The following ATRNL1 variants were observed in gnomAD, a reference collection of about 807,000 sequenced individuals.
ATRNL1 encodes the protein attractin-like protein 1.
A neutral mutation model predicts 182.7 loss-of-function variants in ATRNL1; 95 were observed. The observed-to-expected ratio is 0.52, with a 90% CI of 0.44 to 0.62. The LOEUF (loss-of-function observed/expected upper bound fraction) is 0.62. ATRNL1 is among the 20% of genes least tolerant of loss of function. ATRNL1 has a pLI of 0.00. For missense variants in ATRNL1, 1,471 were observed against 1,679.5 expected, an observed-to-expected ratio of 0.88 and a Z score of 2.17; for synonymous variants, 576 against 568.3, an observed-to-expected ratio of 1.01 and a Z score of -0.19.
intron 26 of ATRNL1, among the ~76,000 whole-genome samples, chr10:115,724,909 T>C (rs78624300): frequency 0.015 from 2,239 of 152,288 alleles, 51 homozygotes; most frequent in African/African-American, 0.05. Context: ...AATGATGTTC[T>C]CTTCCTAAAT....
intron 19 of ATRNL1, among the ~76,000 whole-genome samples, chr10:115,361,802 A>T (rs1210642727): frequency 6.6e-6 from 1 of 152,072 alleles, no homozygotes; most frequent in Non-Finnish European, 1.5e-5. Flanking sequence ...TCTCCAATTT[A>T]TAACTTAAAT....
chr10:115,683,548 G>GTGTTTT (rs1555045360), intron 26 of ATRNL1, among the ~76,000 whole-genome samples: 1 of 110,944 alleles, frequency 9.0e-6, no homozygotes, highest in Non-Finnish European at 1.7e-5. Flanking sequence ...GAGAACTAGC[G>GTGTTTT]TTTTTTTTTT....
At position 115,628,824 on chromosome 10, in the gene ATRNL1, ATTAC is replaced by A. The variant is rs150527233; in HGVS notation, c.3795+79291_3795+79294del. ...GTGCAAAAGTAATTGCGGTTTTGGT[ATTAC>A]TTTTATGGCAAAAACTGCAATTATT... On this transcript the variant is annotated intron_variant, in intron 26 of 28. Transcript: ENST00000355044. 7.0e-3 allele frequency among the ~76,000 whole-genome samples: 1,067 copies of A among 152,144 alleles called. 5 individuals carry two copies. Among genetic ancestry groups the A allele is most frequent in the Non-Finnish European group, 8.1e-3 (552 of 67,980 alleles).
intron 21 of ATRNL1, among the ~76,000 whole-genome samples, chr10:115,449,304 G>A (rs956481802): frequency 2.6e-5 from 4 of 152,088 alleles, no homozygotes; most frequent in Non-Finnish European, 5.9e-5. Flanking sequence ...ATGGCTTGAC[G>A]GGGAATATCA....
intron 26 of ATRNL1, among the ~76,000 whole-genome samples, chr10:115,611,969 G>A (rs1376171946): frequency 6.6e-6 from 1 of 152,022 alleles, no homozygotes; most frequent in Non-Finnish European, 1.5e-5. Flanking sequence ...GACAACTGAG[G>A]GCCAGCCATG....
chr10:115,183,190 A>C (rs1554888099), intron 8 of ATRNL1, among the ~76,000 whole-genome samples: 1 of 151,554 alleles, frequency 6.6e-6, no homozygotes, highest in African/African-American at 2.4e-5. Context: ...AGTAAAAGCA[A>C]CACATATAAA....
intron 26 of ATRNL1, among the ~76,000 whole-genome samples, chr10:115,676,435 C>T (rs1555043027): frequency 6.6e-6 from 1 of 152,018 alleles, no homozygotes; most frequent in East Asian, 1.9e-4. Context: ...GAATTATTTA[C>T]TCAGTTATCT....
intron 27 of ATRNL1, among the ~76,000 whole-genome samples, chr10:115,828,386 G>A (rs1376090513): frequency 6.6e-6 from 1 of 152,166 alleles, no homozygotes; most frequent in Non-Finnish European, 1.5e-5. Context: ...AGAGCAGACT[G>A]CCTGCAGCTG....
chr10:115,627,157 A>G (rs181464920), intron 26 of ATRNL1, among the ~76,000 whole-genome samples: 17 of 152,204 alleles, frequency 1.1e-4, no homozygotes, highest in African/African-American at 4.1e-4. Context: ...CAGCACCACA[A>G]AATAAAACCC....
chr10:115,372,036 A>G (rs1857422322), intron 19 of ATRNL1, among the ~76,000 whole-genome samples: 4 of 152,158 alleles, frequency 2.6e-5, no homozygotes, highest in Admixed American at 1.3e-4. Flanking sequence ...GTCTGTTGCC[A>G]TGTGAGACAT....
chr10:115,748,810 A>T (rs1301264374), intron 27 of ATRNL1, among the ~76,000 whole-genome samples: 1 of 151,954 alleles, frequency 6.6e-6, no homozygotes, highest in Non-Finnish European at 1.5e-5. Context: ...ATACAGCATT[A>T]TGTTTAGCTT....
Position 115,820,133 on chromosome 10 carries a change from T to G in ATRNL1, c.3904-27744T>G, listed in dbSNP as rs1950258398. ...TTTCAAAGCATGAGTAGGACACAGC[T>G]TTTTCTCTGAGCCTCACTCTAAAAA... On this transcript the variant is annotated intron_variant, in intron 27 of 28. Coordinates refer to ENST00000355044, the MANE Select transcript of ATRNL1 (RefSeq NM_207303.4). The G allele has an allele frequency of 2.6e-5, 4 of 152,102 alleles. No individual in the cohort carries two copies. The South Asian group carries it at 8.3e-4, about 32-fold the overall frequency. The allele number at this position is 152,102 out of a possible 1,614,324, so 9.4% of individuals were successfully genotyped here.
chr10:115,196,173 A>G (rs1848352147), intron 8 of ATRNL1, among the ~76,000 whole-genome samples: 1 of 149,514 alleles, frequency 6.7e-6, no homozygotes, highest in Admixed American at 6.6e-5. Context: ...GCCTGAATGA[A>G]TGAATGAATG....
At chr10:115,419,282 T>C (rs1592629297) in intron 20 of ATRNL1, among the ~76,000 whole-genome samples, 1 of 151,988 alleles carries the variant, frequency 6.6e-6, no homozygotes, top group African/African-American at 2.4e-5. Flanking sequence ...AAAGCTATAA[T>C]AGATAACACT....
At chr10:115,302,180 C>T in intron 17 of ATRNL1, 137 bp downstream of exon 17, 1 of 782,464 alleles carries the variant, frequency 1.3e-6, no homozygotes, top group Non-Finnish European at 2.0e-6. Context: ...TTGAAACCAA[C>T]TGGTACTGTT....
chr10:115,610,061 T>C (rs1555018548), intron 26 of ATRNL1, among the ~76,000 whole-genome samples: 2 of 152,194 alleles, frequency 1.3e-5, no homozygotes, highest in African/African-American at 4.8e-5. Context: ...CTTTCTAAAA[T>C]AGACTTTCAT....
Position 115,348,350 on chromosome 10 carries a change from A to T in ATRNL1, c.3175+13931A>T, listed in dbSNP as rs954419592. ...AATTTATGTTGTAATGGTAAGTCATAAATGTGGTACTTTATATGTTGTATA... is the reference window on the plus strand; with the variant it reads ...AATTTATGTTGTAATGGTAAGTCATTAATGTGGTACTTTATATGTTGTATA... On this transcript the variant is annotated intron_variant, in intron 19 of 28. Transcript: ENST00000355044. Among the ~76,000 whole-genome samples the T allele has an allele frequency of 3.9e-5, 6 of 152,300 alleles. No homozygotes were observed. The South Asian group carries it at 1.2e-3, about 32-fold the overall frequency.
intron 15 of ATRNL1, among the ~76,000 whole-genome samples, chr10:115,292,514 C>T (rs547972879): frequency 6.6e-6 from 1 of 151,616 alleles, no homozygotes; most frequent in East Asian, 1.9e-4. Flanking sequence ...ATAAACTTCC[C>T]TTTCAGTACT....
Position 115,495,451 on chromosome 10 carries a change from G to A in ATRNL1, c.3655-23812G>A, listed in dbSNP as rs1053468137. On this transcript the variant is annotated intron_variant, in intron 24 of 28. Transcript: ENST00000355044. ...ATCATTCTAACTTTTTGATGTGGACGTTTAGCACTAAAAACTTTCCTCTTA... is the reference window on the plus strand; with the variant it reads ...ATCATTCTAACTTTTTGATGTGGACATTTAGCACTAAAAACTTTCCTCTTA... Among the ~76,000 whole-genome samples the A allele has an allele frequency of 5.3e-5, 8 of 151,994 alleles. No individual in the cohort carries two copies. In the South Asian group the frequency reaches 8.3e-4, roughly 16 times the overall value.
Sources: allele counts gnomAD v4.1 joint callset (sites outside exome capture counted in the v4.1 genomes callset), GRCh38; gene constraint gnomAD v4.1.1; transcripts MANE v1.5; gene names NCBI Gene and HGNC (gene_info 2026-07-23, HGNC 2026-07-21).